The following PPARGC1A variants were observed in gnomAD, a reference collection of about 807,000 sequenced individuals.
The protein encoded by PPARGC1A is peroxisome proliferator-activated receptor gamma coactivator 1-alpha.
Under a neutral mutation model 88.7 loss-of-function variants are expected in PPARGC1A, and 25 were observed. That is an observed-to-expected ratio of 0.28 (90% CI 0.21 to 0.39). The LOEUF is 0.39. Among genes scored for constraint, PPARGC1A ranks in the 10% least tolerant of loss-of-function variants. The pLI is 1.00. For synonymous variants in PPARGC1A, 363 were observed against 355.6 expected, an observed-to-expected ratio of 1.02 and a Z score of -0.24; for missense variants, 880 against 968.7, an observed-to-expected ratio of 0.91 and a Z score of 1.22.
At chr4:23,941,311 G>A in the PPARGC1A span, among the ~76,000 whole-genome samples, 1 of 152,112 alleles carries the variant, frequency 6.6e-6, no homozygotes, top group Non-Finnish European at 1.5e-5. Context: ...TCCTGCTTTG[G>A]CCTCCCAAAG....
the PPARGC1A span, among the ~76,000 whole-genome samples, chr4:24,298,714 G>T: frequency 6.6e-6 from 1 of 152,192 alleles, no homozygotes; most frequent in South Asian, 2.1e-4. Context: ...TTGAAAATGT[G>T]TAGTGTCTCA....
chr4:24,197,469 C>T, the PPARGC1A span, among the ~76,000 whole-genome samples: 2 of 152,204 alleles, frequency 1.3e-5, no homozygotes, highest in Non-Finnish European at 2.9e-5. Context: ...CCTCATCTTC[C>T]TTCCTCCAGG....
the PPARGC1A span, among the ~76,000 whole-genome samples, chr4:24,326,812 A>G: frequency 5.3e-5 from 8 of 152,226 alleles, no homozygotes; most frequent in East Asian, 7.7e-4. Flanking sequence ...TGTCCAAACA[A>G]CTTGACCTTA....
At chr4:23,908,130 G>A (rs1026365905), upstream of PPARGC1A, among the ~76,000 whole-genome samples, 5 of 152,238 alleles carry the variant, frequency 3.3e-5, no homozygotes, top group South Asian at 2.1e-4. Flanking sequence ...GAAAGGTACA[G>A]TGCACATTGC....
chr4:23,896,219 C>T (rs1389552129), intron 1 of PPARGC1A, among the ~76,000 whole-genome samples: 1 of 152,034 alleles, frequency 6.6e-6, no homozygotes, highest in South Asian at 2.1e-4. Context: ...GTACTTTTTA[C>T]GTTCCTTTAT....
the PPARGC1A span, among the ~76,000 whole-genome samples, chr4:24,453,736 T>A: frequency 6.6e-6 from 1 of 151,876 alleles, no homozygotes; most frequent in Non-Finnish European, 1.5e-5. Flanking sequence ...GCCGAGATCA[T>A]GCCATTGCAC....
At position 23,898,089 on chromosome 4, in the gene PPARGC1A, C is replaced by A. The variant is rs77745483; in HGVS notation, n.52+1178G>T. On this transcript the variant is annotated intron_variant and non_coding_transcript_variant, in intron 1 of 3. Coordinates refer to the PPARGC1A transcript ENST00000507342. ...GGAAATGAGAGCTTAAAATAACATC[C>A]TTTCTTCCTAATATGAGAAGACCCT... 1.2e-3 allele frequency among the ~76,000 whole-genome samples: 187 copies of A among 152,278 alleles called. 1 individual carries two copies. The highest frequency in any genetic ancestry group is 4.0e-3 in the African/African-American group (168 of 41,542).
the PPARGC1A span, among the ~76,000 whole-genome samples, chr4:24,049,266 A>G: frequency 1.4e-5 from 2 of 142,162 alleles, no homozygotes; most frequent in African/African-American, 5.4e-5. Context: ...GTATATAAAT[A>G]CATATATATA....
intron 2 of PPARGC1A, among the ~76,000 whole-genome samples, chr4:23,852,192 C>A (rs1056928040): frequency 6.6e-6 from 1 of 152,172 alleles, no homozygotes; most frequent in Non-Finnish European, 1.5e-5. Flanking sequence ...AAGTTTCAAA[C>A]TAGAGGTCTT....
chr4:23,992,180 A>C, the PPARGC1A span, among the ~76,000 whole-genome samples: 1 of 152,052 alleles, frequency 6.6e-6, no homozygotes, highest in Non-Finnish European at 1.5e-5. Context: ...CAGAACTCTC[A>C]GTCATTCCAT....
At chr4:24,050,279 T>C in the PPARGC1A span, among the ~76,000 whole-genome samples, 3 of 139,396 alleles carry the variant, frequency 2.2e-5, no homozygotes, top group Admixed American at 2.4e-4. Context: ...CACTGCAACC[T>C]CTGCCTCCCA....
the PPARGC1A span, among the ~76,000 whole-genome samples, chr4:24,306,749 C>T: frequency 6.6e-6 from 1 of 152,090 alleles, no homozygotes; most frequent in African/African-American, 2.4e-5. Flanking sequence ...CCAGATTTGA[C>T]CTGCAGGTCA....
chr4:24,373,766 T>C, the PPARGC1A span, among the ~76,000 whole-genome samples: 3 of 152,330 alleles, frequency 2.0e-5, no homozygotes, highest in Non-Finnish European at 4.4e-5. Context: ...ATATCTACAG[T>C]ACTGAGGTCA....
the PPARGC1A span, among the ~76,000 whole-genome samples, chr4:24,302,012 G>A: frequency 4.1e-3 from 619 of 152,232 alleles, 1 homozygote; most frequent in Non-Finnish European, 6.3e-3. Flanking sequence ...GTTTCTGCAT[G>A]AGGGGCAGCC....
At chr4:24,132,234 T>C in the PPARGC1A span, among the ~76,000 whole-genome samples, 2 of 152,016 alleles carry the variant, frequency 1.3e-5, no homozygotes, top group Non-Finnish European at 2.9e-5. Flanking sequence ...CCCTATTCTT[T>C]ATAAGGCCAC....
At chr4:24,281,709 C>T in the PPARGC1A span, among the ~76,000 whole-genome samples, 2 of 152,214 alleles carry the variant, frequency 1.3e-5, no homozygotes, top group Non-Finnish European at 1.5e-5. Context: ...CCTAATAAAC[C>T]AGAAGTTCCA....
chr4:24,130,617 A>G, the PPARGC1A span, among the ~76,000 whole-genome samples: 4 of 152,072 alleles, frequency 2.6e-5, no homozygotes, highest in Non-Finnish European at 4.4e-5. Context: ...TTTTGACCAT[A>G]AACTGTCCTC....
the PPARGC1A span, among the ~76,000 whole-genome samples, chr4:23,941,452 T>G: frequency 1.3e-5 from 2 of 152,164 alleles, no homozygotes; most frequent in Admixed American, 1.3e-4. Flanking sequence ...GGGTGTGATA[T>G]CTGTCAGACT....
At chr4:24,022,363 C>T in the PPARGC1A span, among the ~76,000 whole-genome samples, 1 of 152,248 alleles carries the variant, frequency 6.6e-6, no homozygotes, top group South Asian at 2.1e-4. Context: ...CCCTCTCACC[C>T]TGCTCTCTTT....
Sources: gnomAD v4.1 joint callset for allele counts (sites outside exome capture counted in the v4.1 genomes callset) on GRCh38, gnomAD v4.1.1 for gene constraint, MANE v1.5 for transcripts, NCBI Gene and HGNC (gene_info 2026-07-23, HGNC 2026-07-21) for gene names.